The following GPC5 variants were observed in gnomAD, a reference collection of about 807,000 sequenced individuals.
The protein encoded by GPC5 is glypican-5.
GPC5 carries 47 observed loss-of-function variants against 53.9 expected under a neutral mutation model. The ratio of observed to expected loss-of-function variants is 0.87; its 90% CI spans 0.69 to 1.11. GPC5 has a LOEUF of 1.11. GPC5 is among the 50% of genes most tolerant of loss of function. The pLI, the probability that GPC5 is intolerant of heterozygous loss-of-function variation, is 0.00. For missense variants in GPC5, 748 were observed against 713.1 expected (o/e 1.05, Z -0.56); for synonymous variants, 286 against 263.3 (o/e 1.09, Z -0.84).
chr13:91,908,294 C>T (rs2039576299), intron 6 of GPC5, among the ~76,000 whole-genome samples: 1 of 152,046 alleles, frequency 6.6e-6, no homozygotes, highest in Admixed American at 6.6e-5. Context: ...GCCTCAGCCT[C>T]AGCATTTCAT....
At chr13:92,486,900 G>A (rs137863242) in intron 7 of GPC5, among the ~76,000 whole-genome samples, 107 of 151,630 alleles carry the variant, frequency 7.1e-4, no homozygotes, top group African/African-American at 2.5e-3. Flanking sequence ...CTATGGCCTA[G>A]GCTGGAGTGC....
At chr13:92,393,841 A>G (rs1875135432) in intron 7 of GPC5, among the ~76,000 whole-genome samples, 1 of 152,218 alleles carries the variant, frequency 6.6e-6, no homozygotes, top group Non-Finnish European at 1.5e-5. Context: ...ACAAACTTTC[A>G]CATGTACACC....
chr13:91,469,436 T>A (rs481729), intron 2 of GPC5, among the ~76,000 whole-genome samples: 64,823 of 151,728 alleles, frequency 0.43, 15,400 homozygotes, highest in Non-Finnish European at 0.53. Context: ...TTTTTCTCTT[T>A]TTTTTTGGGT....
At chr13:91,551,490 C>A (rs2030633489) in intron 2 of GPC5, among the ~76,000 whole-genome samples, 1 of 151,920 alleles carries the variant, frequency 6.6e-6, no homozygotes, top group African/African-American at 2.4e-5. Flanking sequence ...ATCAAAGTGA[C>A]AATATATGTG....
At chr13:91,503,576 T>A (rs903291120) in intron 2 of GPC5, among the ~76,000 whole-genome samples, 1 of 151,648 alleles carries the variant, frequency 6.6e-6, no homozygotes, top group African/African-American at 2.4e-5. Flanking sequence ...GGTCAGGAGA[T>A]GGTGACCCTC....
At chr13:92,831,146 G>A (rs1005459010) in intron 7 of GPC5, among the ~76,000 whole-genome samples, 7 of 152,060 alleles carry the variant, frequency 4.6e-5, no homozygotes, top group African/African-American at 1.4e-4. Flanking sequence ...ATACAAAGTC[G>A]TATTCATGGC....
chr13:91,625,167 CTA>C (rs2033965798), intron 2 of GPC5, among the ~76,000 whole-genome samples: 1 of 151,294 alleles, frequency 6.6e-6, no homozygotes, highest in South Asian at 2.1e-4. Context: ...GGGCATAAAA[CTA>C]CATAGGCCAA....
At chr13:92,542,690 C>T (rs1222495795) in intron 7 of GPC5, among the ~76,000 whole-genome samples, 1 of 151,960 alleles carries the variant, frequency 6.6e-6, no homozygotes, top group Non-Finnish European at 1.5e-5. Context: ...AATTAATAAT[C>T]GCAATTTTTG....
chr13:92,850,599 A>T (rs1306031355), intron 7 of GPC5, among the ~76,000 whole-genome samples: 1 of 152,100 alleles, frequency 6.6e-6, no homozygotes, highest in Admixed American at 6.5e-5. Context: ...ACTCCATCTC[A>T]AGAAAGAAAA....
intron 5 of GPC5, among the ~76,000 whole-genome samples, chr13:91,813,538 C>T (rs138129854): frequency 2.0e-5 from 3 of 152,266 alleles, no homozygotes; most frequent in African/African-American, 4.8e-5. Flanking sequence ...GTGCCAAGGC[C>T]GGGTTGGTCT....
chr13:92,640,188 TCTC>T (rs1399287173), intron 7 of GPC5, among the ~76,000 whole-genome samples: 4 of 152,200 alleles, frequency 2.6e-5, no homozygotes, highest in South Asian at 4.1e-4. Context: ...GTATTATTTT[TCTC>T]CTAATTCTAC....
intron 2 of GPC5, among the ~76,000 whole-genome samples, chr13:91,503,100 A>C (rs1285257640): frequency 2.0e-5 from 3 of 152,186 alleles, no homozygotes; most frequent in Non-Finnish European, 2.9e-5. Flanking sequence ...CAATATATTT[A>C]CTATGCATGC....
chr13:91,425,605 G>C (rs916899888), intron 1 of GPC5, among the ~76,000 whole-genome samples: 2 of 152,052 alleles, frequency 1.3e-5, no homozygotes, highest in Non-Finnish European at 2.9e-5. Context: ...GTTTCCTGAG[G>C]CCTCCCCAGC....
chr13:91,563,286 C>T (rs181942696), intron 2 of GPC5, among the ~76,000 whole-genome samples: 3 of 152,204 alleles, frequency 2.0e-5, no homozygotes, highest in Admixed American at 2.0e-4. Context: ...TGCACCTGCA[C>T]AGATATGGAC....
At chr13:91,570,234 A>T (rs567756396) in intron 2 of GPC5, among the ~76,000 whole-genome samples, 1 of 152,290 alleles carries the variant, frequency 6.6e-6, no homozygotes, top group Non-Finnish European at 1.5e-5. Flanking sequence ...GCATTTAAAA[A>T]TTTTCAGACA....
chr13:91,756,524 C>T (rs755627243), intron 5 of GPC5, 104 bp downstream of exon 5: 325 of 990,408 alleles, frequency 3.3e-4, no homozygotes, highest in Non-Finnish European at 4.5e-4. Context: ...ACACAGTTTA[C>T]AGTCTACATT....
At chr13:92,442,443 A>G (rs1178165653) in intron 7 of GPC5, among the ~76,000 whole-genome samples, 1 of 152,186 alleles carries the variant, frequency 6.6e-6, no homozygotes, top group Non-Finnish European at 1.5e-5. Flanking sequence ...AGAGTGAGGT[A>G]TGCAGAGATC....
In GPC5 at chr13:91,484,545, A is replaced by G. The variant is rs1452041251; in HGVS notation, c.325+35623A>G. 3.3e-5 allele frequency among the ~76,000 whole-genome samples: 5 copies of G among 152,138 alleles called. No homozygotes were observed. The East Asian group carries it at 7.7e-4, about 23-fold the overall frequency. ...TAAGAAACAAAATTACTTTGAAGAC[A>G]ATTACAATATGTGTATATGTATTTT... On this transcript the variant is annotated intron_variant, in intron 2 of 7. Coordinates refer to ENST00000377067, the MANE Select transcript of GPC5 (RefSeq NM_004466.6).
rs562954958 is a variant in GPC5, at chr13:92,488,157, G to A, written c.1561+343168G>A. Reference sequence around the variant, plus strand: ...CGTGTGTGTGTGTACAGGCATATAAGTTTGTAAATTTAATCCAGTATCAAA... The same window carrying A: ...CGTGTGTGTGTGTACAGGCATATAAATTTGTAAATTTAATCCAGTATCAAA... On this transcript the variant is annotated intron_variant, in intron 7 of 7. Transcript: ENST00000377067. Among the ~76,000 whole-genome samples, 192 of 152,170 alleles carry A rather than the reference G, an allele frequency of 1.3e-3. 1 individual carries two copies. Among genetic ancestry groups the A allele is most frequent in the African/African-American group, 4.5e-3 (187 of 41,524 alleles).
Sources: allele counts gnomAD v4.1 joint callset (sites outside exome capture counted in the v4.1 genomes callset), GRCh38; gene constraint gnomAD v4.1.1; transcripts MANE v1.5; gene names NCBI Gene and HGNC (gene_info 2026-07-23, HGNC 2026-07-21).